FASN: variants seen among roughly 807,000 people sequenced by gnomAD.
The protein encoded by FASN is 3-hydroxyacyl-[acyl-carrier-protein] dehydratase.
In FASN, 50 loss-of-function variants were observed where a neutral mutation model predicts 250.0. The observed-to-expected ratio is 0.20, with a 90% confidence interval of 0.16 to 0.25. The LOEUF (loss-of-function observed/expected upper bound fraction) is 0.25. Ranked by LOEUF, FASN falls within the 10% of genes least tolerant of loss-of-function variation. The probability of loss-of-function intolerance (pLI) is 1.00; values close to 1 mark genes in which losing one functional copy is unlikely to be tolerated. For missense variants in FASN, 3,031 were observed against 3,498.5 expected (o/e 0.87, Z 3.37); for synonymous variants, 1,909 against 1,584.0 (o/e 1.21, Z -4.87).
intron 18 of FASN, 34 bp from the exon 19 acceptor site, chr17:82,087,895 C>A (rs201797623): frequency 1.2e-6 from 2 of 1,612,374 alleles, no homozygotes; most frequent in South Asian, 2.2e-5. Context: ...GGCCTGAGGA[C>A]GGGCGGCATG....
rs535778972 is a variant in FASN at position 82,079,035 on chromosome 17, G to A, written c.*108C>T. 9.4e-5 allele frequency: 122 copies of A among 1,298,954 alleles called. No individual in the cohort carries two copies. In the African/African-American group the frequency reaches 1.2e-3, roughly 13 times the overall value. The allele number at this position is 1,298,954 out of a possible 1,614,324, so 80.5% of individuals were successfully genotyped here. A position where few individuals can be genotyped will look rare whatever the true frequency, so the allele number is the denominator to read the frequency against. ...CCTCGGGGGGCAGTGGCACTGGGCC[G>A]GACAGGGTCCCACCGGCAGGACCCT... On this transcript the variant is annotated 3_prime_UTR_variant, in exon 43 of 43. Transcript: ENST00000306749.
intron 22 of FASN, among the ~76,000 whole-genome samples, 170 bp from the exon 23 acceptor site, chr17:82,086,041 C>T (rs1022365284): frequency 1.3e-5 from 2 of 152,220 alleles, no homozygotes; most frequent in African/African-American, 4.8e-5. Context: ...CCCTGGGGTC[C>T]TGCCTAGGCT....
In FASN at chr17:82,091,028, G is replaced by A. The variant is rs767886787; in HGVS notation, c.1534C>T (p.Arg512Cys). The A allele has an allele frequency of 1.9e-5, 30 of 1,612,524 alleles. No individual in the cohort carries two copies. The highest frequency in any genetic ancestry group is 2.2e-5 in the Non-Finnish European group (26 of 1,179,978). Residue 512 changes from arginine (R) to cysteine (C), a missense_variant, in exon 10 of 43, where the codon CGC becomes TGC. Transcript: ENST00000306749. ...ATGGAATCTCGGAAGCGGTCCAGGC[G>A]CATGAGGCTCAGCCCCATCCCGCGC... ...QWRGMGLSLM[R>C]LDRFRDSILR...
At chr17:82,081,480 C>A (rs890224184) in intron 37 of FASN, 121 bp downstream of exon 37, 1 of 1,581,100 alleles carries the variant, frequency 6.3e-7, no homozygotes, top group Non-Finnish European at 8.6e-7. Flanking sequence ...GTGACACCTG[C>A]GCCCGCACCC....
In FASN at chr17:82,092,556, G is replaced by T; in HGVS notation, c.928C>A (p.Arg310=). 1.9e-6 allele frequency: 3 copies of T among 1,607,026 alleles called. No homozygotes were observed. The highest frequency in any genetic ancestry group is 3.3e-4 in the Middle Eastern group (2 of 6,048). Residue 310 remains arginine, a synonymous_variant, in exon 8 of 43, where the codon CGA becomes AGA. Transcript: ENST00000306749. ...TCCTGGCGGGTGGCGCACAGGGCTC[G>T]GGTGATGCCATTCAGCTCCTGGGGG... The part of the protein sequence containing the change: ...GDPQELNGIT[R]ALCATRQEPL...
In FASN at chr17:82,084,281, G is replaced by A. The variant is rs933298395; in HGVS notation, c.4872C>T (p.Thr1624=). The A allele has an allele frequency of 1.2e-6, 2 of 1,611,856 alleles. No individual in the cohort carries two copies. The highest frequency in any genetic ancestry group is 1.7e-6 in the Non-Finnish European group (2 of 1,179,556). Residue 1624 remains threonine, a synonymous_variant, in exon 28 of 43, where the codon ACC becomes ACT. Coordinates refer to ENST00000306749, the MANE Select transcript of FASN (RefSeq NM_004104.5). ...MGLVPAKGLA[T]SVLLSPDFLW... is the part of the protein sequence containing the mutation. ...GGAAGTCCGGTGACAGCAGGACAGA[G>A]GTGGCCAGGCCCTTGGCAGGCACCA...
At chr17:82,092,414 G>A (rs755834908) in intron 8 of FASN, 41 bp downstream of exon 8, 3 of 1,548,214 alleles carry the variant, frequency 1.9e-6, no homozygotes, top group South Asian at 1.2e-5. Flanking sequence ...CAGTCCCAGG[G>A]AGCAGGAGCC....
intron 3 of FASN, 50 bp from the exon 4 acceptor site, chr17:82,093,821 C>G (rs1441857391): frequency 6.4e-7 from 1 of 1,564,232 alleles, no homozygotes; most frequent in Non-Finnish European, 8.6e-7. Flanking sequence ...ACAGCGCAGC[C>G]AGCCCACCCA....
At position 82,080,711 on chromosome 17, in the gene FASN, A is replaced by G. The variant is rs2144779859; in HGVS notation, c.6807T>C (p.Tyr2269=). The G allele has an allele frequency of 1.9e-6, 3 of 1,596,314 alleles. No homozygotes were observed. Among genetic ancestry groups the G allele is most frequent in the Non-Finnish European group, 1.7e-6 (2 of 1,172,720 alleles). ...GAGTACCTCGGGTGCACTGCAGGCC[A>G]TAGGTGGGGATGCTGAGCCGGGAGG... ...SLASRLSIPT[Y]GLQCTRAAPL... is the part of the protein sequence containing the mutation. Residue 2269 remains tyrosine, a synonymous_variant, in exon 39 of 43, where the codon TAT becomes TAC. Transcript: ENST00000306749.
rs773689162 is a variant in FASN at position 82,080,362 on chromosome 17, G to A, written c.7047+8C>T. ...GCCGTAGGCCTCTAGGACCAGCCTG[G>A]CTCTCACCTGGGTGTAGGCCAGTAC... On this transcript the variant is annotated splice_region_variant and intron_variant, in intron 40 of 42. Transcript: ENST00000306749. 1 of 1,603,800 alleles carries A rather than the reference G, an allele frequency of 6.2e-7. No individual in the cohort carries two copies. Among genetic ancestry groups the A allele is most frequent in the Non-Finnish European group, 8.5e-7 (1 of 1,175,872 alleles).
chr17:82,081,538 T>A (rs2033986770), intron 37 of FASN, 63 bp downstream of exon 37: 2 of 1,605,090 alleles, frequency 1.2e-6, no homozygotes, highest in Non-Finnish European at 1.7e-6. Context: ...ACGACTGCTA[T>A]GTCCCAAGAC....
chr17:82,086,932 C>G (rs1174182486), intron 21 of FASN, 118 bp downstream of exon 21: 1 of 1,146,542 alleles, frequency 8.7e-7, no homozygotes, highest in African/African-American at 1.5e-5. Context: ...GAGGGTTGGG[C>G]TAGGGTTGCT....
chr17:82,086,689 G>A lies in FASN; in HGVS notation c.3428-131C>T, dbSNP rs1293116353. 1.2e-5 allele frequency: 9 copies of A among 760,660 alleles called. No individual in the cohort carries two copies. The East Asian group carries it at 1.3e-4, about 11-fold the overall frequency. 47.1% of individuals were successfully genotyped at this position (760,660 alleles called of 1,614,324 possible). On this transcript the variant is annotated intron_variant, in intron 21 of 42. Transcript: ENST00000306749. ...GCCCACAGGATGAGAAATAGCTGAGGGTTGAGGAAGGGGCTGCCCACCACT... is the reference window on the plus strand; with the variant it reads ...GCCCACAGGATGAGAAATAGCTGAGAGTTGAGGAAGGGGCTGCCCACCACT...
intron 1 of FASN, chr17:82,096,816 G>T (rs1290854310): frequency 2.8e-6 from 1 of 357,072 alleles, no homozygotes; most frequent in Non-Finnish European, 5.5e-6. Context: ...GGCTCCTGGA[G>T]CTTGTCCCAG....
chr17:82,088,641 G>A (rs1296145463), intron 15 of FASN, 79 bp from the exon 16 acceptor site: 16 of 1,523,892 alleles, frequency 1.0e-5, no homozygotes, highest in South Asian at 4.6e-5. Flanking sequence ...CACTGCCTGC[G>A]GTGGACCATC....
chr17:82,095,274 G>A (rs1465281609), intron 3 of FASN, 46 bp downstream of exon 3: 11 of 1,602,480 alleles, frequency 6.9e-6, no homozygotes, highest in Non-Finnish European at 9.4e-6. Context: ...TATTCCACGT[G>A]AGCAGCAGGA....
intron 11 of FASN, 63 bp downstream of exon 11, chr17:82,090,312 A>G (rs2034179802): frequency 2.0e-6 from 3 of 1,480,628 alleles, no homozygotes; most frequent in Admixed American, 4.0e-5. Flanking sequence ...GCAGGTGAGG[A>G]CCCCACAGCG....
rs1008757132 is a variant in FASN at position 82,090,315 on chromosome 17, C to G, written c.1870+60G>C. ...CAGGCCAGGGCTGCAGGTGAGGACC[C>G]CACAGCGAGAAGGCAGCCTCCTTTC... is the stretch of plus-strand genomic sequence containing the variant. On this transcript the variant is annotated intron_variant, in intron 11 of 42. Transcript: ENST00000306749. 11 of 1,511,812 alleles carry G rather than the reference C, an allele frequency of 7.3e-6. No homozygotes were observed. The African/African-American group carries it at 1.5e-4, about 21-fold the overall frequency. 93.6% of individuals were successfully genotyped at this position (1,511,812 alleles called of 1,614,324 possible).
Position 82,083,652 on chromosome 17 carries a change from A to T in FASN, c.5219-13T>A. On this transcript the variant is annotated splice_polypyrimidine_tract_variant and intron_variant, in intron 30 of 42. Transcript: ENST00000306749. ...ACCAGGTCAACGCCTAGGGGGCCAG[A>T]GGGGCCAGACAATCACACCCACTGC... is the stretch of plus-strand genomic sequence containing the variant. 6.2e-7 allele frequency: 1 copy of T among 1,605,136 alleles called. No homozygotes were observed. The highest frequency in any genetic ancestry group is 8.5e-7 in the Non-Finnish European group (1 of 1,176,900).
Sources: gnomAD v4.1 joint callset for allele counts (sites outside exome capture counted in the v4.1 genomes callset) on GRCh38, gnomAD v4.1.1 for gene constraint, MANE v1.5 for transcripts, NCBI Gene and HGNC (gene_info 2026-07-23, HGNC 2026-07-21) for gene names.